GPC6: variants seen among roughly 807,000 people sequenced by gnomAD.
GPC6 encodes glypican 6.
GPC6 carries 14 observed loss-of-function variants against 55.2 expected under a neutral mutation model. The ratio of observed to expected loss-of-function variants is 0.25; its 90% confidence interval spans 0.17 to 0.40. The LOEUF (loss-of-function observed/expected upper bound fraction) is 0.40, where lower values mean the gene tolerates loss of function less well. Ranked by LOEUF, GPC6 falls within the 10% of genes least tolerant of loss-of-function variation. The pLI, the probability that GPC6 is intolerant of heterozygous loss-of-function variation, is 1.00. For synonymous variants in GPC6, 278 were observed against 259.6 expected, an observed-to-expected ratio of 1.07 and a Z score of -0.68; for missense variants, 641 against 708.5, an observed-to-expected ratio of 0.90 and a Z score of 1.08.
At chr13:93,508,822 G>A (rs894004457) in intron 1 of GPC6, among the ~76,000 whole-genome samples, 1 of 152,182 alleles carries the variant, frequency 6.6e-6, no homozygotes, top group Non-Finnish European at 1.5e-5. Context: ...AGAAAGCTGA[G>A]CTAAGAGGAA....
chr13:93,716,368 G>C (rs920510127), intron 2 of GPC6, among the ~76,000 whole-genome samples: 3 of 151,542 alleles, frequency 2.0e-5, no homozygotes, highest in Admixed American at 6.6e-5. Flanking sequence ...CCAGCTTCAG[G>C]TCTTGTCCCT....
chr13:93,853,057 G>A (rs2139015018), intron 3 of GPC6, among the ~76,000 whole-genome samples: 1 of 151,806 alleles, frequency 6.6e-6, no homozygotes, highest in Middle Eastern at 3.4e-3. Context: ...GAAGAAATGT[G>A]ATGAACATTG....
At position 93,959,149 on chromosome 13, in the gene GPC6, C is replaced by G. The variant is rs544997633; in HGVS notation, c.712-68580C>G. Among the ~76,000 whole-genome samples, 104 of 149,924 alleles carry G rather than the reference C, an allele frequency of 6.9e-4. No individual in the cohort carries two copies. The Middle Eastern group carries it at 0.014, about 20-fold the overall frequency. On this transcript the variant is annotated intron_variant, in intron 3 of 8. Coordinates refer to ENST00000377047, the MANE Select transcript of GPC6 (RefSeq NM_005708.5). ...AATATAATTTGACTACTTTTTTTTC[C>G]TAGTTGTATGATTTTTTTTTTTTTT...
chr13:93,274,631 A>G (rs1237037072), intron 1 of GPC6, among the ~76,000 whole-genome samples: 2 of 152,218 alleles, frequency 1.3e-5, no homozygotes, highest in African/African-American at 2.4e-5. Context: ...TTCATCTGAA[A>G]AACTATTACA....
At chr13:94,354,357 A>AC in intron 6 of GPC6, among the ~76,000 whole-genome samples, 1 of 152,206 alleles carries the variant, frequency 6.6e-6, no homozygotes, top group Non-Finnish European at 1.5e-5. Context: ...ACAAAAAAAA[A>AC]AACAAGATAC....
chr13:94,233,850 A>G (rs1890799699), intron 4 of GPC6, among the ~76,000 whole-genome samples: 1 of 152,178 alleles, frequency 6.6e-6, no homozygotes, highest in South Asian at 2.1e-4. Context: ...ATAGTTATAT[A>G]TGTACAGAAA....
chr13:93,415,192 T>A (rs369523821), intron 1 of GPC6, among the ~76,000 whole-genome samples: 1 of 152,140 alleles, frequency 6.6e-6, no homozygotes, highest in African/African-American at 2.4e-5. Context: ...ATGATTGTAC[T>A]TAGTTCATGG....
At position 94,278,228 on chromosome 13, in the gene GPC6, C is replaced by A. The variant is rs537863747; in HGVS notation, c.878-8121C>A. Among the ~76,000 whole-genome samples, 4 of 152,208 alleles carry A rather than the reference C, an allele frequency of 2.6e-5. No individual in the cohort carries two copies. In the South Asian group the frequency reaches 8.3e-4, roughly 32 times the overall value. ...CAATGGGAGTTCATTTATGATTTGGCACTCTGCTTGTCTATTGTTGGTATA... is the reference window on the plus strand; with the variant it reads ...CAATGGGAGTTCATTTATGATTTGGAACTCTGCTTGTCTATTGTTGGTATA... On this transcript the variant is annotated intron_variant, in intron 4 of 8. Transcript: ENST00000377047.
chr13:94,253,488 G>A (rs1454853618), intron 4 of GPC6, among the ~76,000 whole-genome samples: 1 of 152,038 alleles, frequency 6.6e-6, no homozygotes, highest in Non-Finnish European at 1.5e-5. Flanking sequence ...CTATCATGAT[G>A]TCAAAATAAT....
intron 2 of GPC6, among the ~76,000 whole-genome samples, chr13:93,609,238 A>G (rs1389526517): frequency 1.3e-5 from 2 of 152,090 alleles, no homozygotes; most frequent in Non-Finnish European, 2.9e-5. Context: ...TTGTTGAGAT[A>G]GAGTCTTGTT....
intron 4 of GPC6, among the ~76,000 whole-genome samples, chr13:94,171,464 G>A (rs1036006371): frequency 4.6e-5 from 7 of 152,114 alleles, no homozygotes; most frequent in African/African-American, 1.4e-4. Flanking sequence ...GTGCATAAGC[G>A]AAGCAGCTTA....
chr13:93,801,980 A>G (rs1271484117), intron 2 of GPC6, among the ~76,000 whole-genome samples: 1 of 152,190 alleles, frequency 6.6e-6, no homozygotes, highest in Non-Finnish European at 1.5e-5. Context: ...GAACTAATAA[A>G]TAAGATGTTT....
chr13:93,610,285 A>G (rs904133070), intron 2 of GPC6, among the ~76,000 whole-genome samples: 5 of 152,248 alleles, frequency 3.3e-5, no homozygotes, highest in Non-Finnish European at 7.3e-5. Context: ...CTCTCTCAAC[A>G]TCAGAGTTTG....
intron 4 of GPC6, among the ~76,000 whole-genome samples, chr13:94,279,797 G>A (rs905272462): frequency 2.0e-5 from 3 of 152,146 alleles, no homozygotes; most frequent in Non-Finnish European, 4.4e-5. Flanking sequence ...TGGCACTGTG[G>A]TCTGAGAGAC....
intron 3 of GPC6, chr13:93,831,061 T>G (rs1887473125): frequency 6.4e-6 from 1 of 157,294 alleles, no homozygotes; most frequent in African/African-American, 2.4e-5. Context: ...AGAAGAGCCC[T>G]TTGCTGACAC....
chr13:94,313,809 G>A (rs1309117827), intron 6 of GPC6, among the ~76,000 whole-genome samples: 1 of 152,124 alleles, frequency 6.6e-6, no homozygotes, highest in East Asian at 1.9e-4. Flanking sequence ...AAGAGCTTTG[G>A]TGACCTCTGT....
chr13:93,402,973 AG>A (rs1876146285), intron 1 of GPC6, among the ~76,000 whole-genome samples: 1 of 152,160 alleles, frequency 6.6e-6, no homozygotes, highest in African/African-American at 2.4e-5. Context: ...TTATGTGGAT[AG>A]TACTTTTAAT....
intron 6 of GPC6, among the ~76,000 whole-genome samples, chr13:94,352,175 T>G (rs1566709043): frequency 3.3e-5 from 5 of 151,974 alleles, no homozygotes; most frequent in Non-Finnish European, 1.5e-5. Context: ...CAACCAGGTC[T>G]TAGGTCTGCG....
At chr13:94,031,724 C>T (rs1030163027) in intron 4 of GPC6, among the ~76,000 whole-genome samples, 2 of 152,164 alleles carry the variant, frequency 1.3e-5, no homozygotes, top group Non-Finnish European at 2.9e-5. Context: ...GAGGGAGAAA[C>T]AGTTTGTGGG....
Sources: allele counts gnomAD v4.1 joint callset (sites outside exome capture counted in the v4.1 genomes callset), GRCh38; gene constraint gnomAD v4.1.1; transcripts MANE v1.5; gene names NCBI Gene and HGNC (gene_info 2026-07-23, HGNC 2026-07-21).